HYDIN: variants seen among roughly 807,000 people sequenced by gnomAD.
The protein encoded by HYDIN is HYDIN axonemal central pair apparatus protein.
In HYDIN, 132 loss-of-function variants were observed where a neutral mutation model predicts 403.9. The ratio of observed to expected loss-of-function variants is 0.33; its 90% CI spans 0.28 to 0.38. The LOEUF is 0.38. Ranked by LOEUF, HYDIN falls within the 10% of genes least tolerant of loss-of-function variation. HYDIN has a pLI of 1.00. For synonymous variants in HYDIN, 1,202 were observed against 1,891.7 expected, an observed-to-expected ratio of 0.64 and a Z score of 9.46; for missense variants, 2,827 against 5,009.5, an observed-to-expected ratio of 0.56 and a Z score of 13.15.
chr16:70,807,736 C>A lies in HYDIN; in HGVS notation c.15210G>T (p.Arg5070=). The A allele has an allele frequency of 6.2e-7, 1 of 1,614,172 alleles. No individual in the cohort carries two copies. Among genetic ancestry groups the A allele is most frequent in the East Asian group, 2.2e-5 (1 of 44,880 alleles). Residue 5070 remains arginine, a synonymous_variant, in exon 86 of 86, where the codon CGG becomes CGT. Coordinates refer to ENST00000393567, the MANE Select transcript of HYDIN (RefSeq NM_001270974.2). The part of the protein sequence containing the change: ...AFTIRAGESV[R]PKKINNITVS... ...CTGTGATGTTGTTGATCTTCTTGGG[C>A]CGCACAGACTCTCCAGCGCGAATGG...
intron 18 of HYDIN, among the ~76,000 whole-genome samples, chr16:71,038,506 G>C (rs1175460261): frequency 6.6e-6 from 1 of 151,820 alleles, no homozygotes; most frequent in Non-Finnish European, 1.5e-5. Flanking sequence ...GTTGAAATCT[G>C]CAAGAATCTC....
At chr16:71,050,764 C>T (rs985952543) in intron 18 of HYDIN, among the ~76,000 whole-genome samples, 5 of 151,822 alleles carry the variant, frequency 3.3e-5, no homozygotes, top group Non-Finnish European at 7.4e-5. Flanking sequence ...AATACATTTG[C>T]AAACTTTGAT....
Position 70,907,355 on chromosome 16 carries a change from A to C in HYDIN, c.8516+17T>G. ...CCCAGCAGTCTGAAATCTGCTTTAAAATAATGGAACACTTACTTATCTCTT... is the reference window on the plus strand; with the variant it reads ...CCCAGCAGTCTGAAATCTGCTTTAACATAATGGAACACTTACTTATCTCTT... On this transcript the variant is annotated intron_variant, in intron 50 of 85. Transcript: ENST00000393567. The C allele has an allele frequency of 1.7e-6, 1 of 577,214 alleles. No homozygotes were observed. Among genetic ancestry groups the C allele is most frequent in the Non-Finnish European group, 3.1e-6 (1 of 324,820 alleles). The allele number at this position is 577,214 out of a possible 1,614,324, so 35.8% of individuals were successfully genotyped here.
rs541522983 is a variant in HYDIN at position 71,186,360 on chromosome 16, A to G, written c.135+401T>C. ...TCATTATTTTAATGCTCTGTGTTCT[A>G]TAAATATACAAACAAAAATTACTCT... On this transcript the variant is annotated intron_variant, in intron 2 of 85. Coordinates refer to ENST00000393567, the MANE Select transcript of HYDIN (RefSeq NM_001270974.2). Among the ~76,000 whole-genome samples, 12 of 152,272 alleles carry G rather than the reference A, an allele frequency of 7.9e-5. No individual in the cohort carries two copies. The South Asian group carries it at 2.5e-3, about 32-fold the overall frequency.
chr16:70,994,288 T>C (rs1307557886), intron 23 of HYDIN, among the ~76,000 whole-genome samples: 1 of 150,642 alleles, frequency 6.6e-6, no homozygotes, highest in Non-Finnish European at 1.5e-5. Flanking sequence ...GATGGATGGA[T>C]GGATGGATGG....
In HYDIN at chr16:70,908,795, C is replaced by G; in HGVS notation, c.8071G>C (p.Val2691Leu). 6.2e-7 allele frequency: 1 copy of G among 1,614,244 alleles called. No individual in the cohort carries two copies. Among genetic ancestry groups the G allele is most frequent in the Non-Finnish European group, 8.5e-7 (1 of 1,180,052 alleles). ...KQKMKEKIDQVFEIQKDKRHM... is the reference protein window; with the variant it reads ...KQKMKEKIDQLFEIQKDKRHM... ...CGCTTGTCTTTCTGAATCTCGAAGACTTGGTCTATCTTTTCTTTCATTTTC... is the reference window on the plus strand; with the variant it reads ...CGCTTGTCTTTCTGAATCTCGAAGAGTTGGTCTATCTTTTCTTTCATTTTC... The change falls in exon 48 of 86, where the codon GTC becomes CTC. Residue 2691 changes from valine (V) to leucine (L), a missense_variant. By Grantham distance (32) the Val-to-Leu change is conservative. Transcript: ENST00000393567.
chr16:71,132,628 G>C (rs1223341769), intron 8 of HYDIN: 1 of 123,676 alleles, frequency 8.1e-6, no homozygotes, highest in Non-Finnish European at 1.7e-5. Context: ...GAAGATGATA[G>C]TGCTCCATGG....
Position 70,829,808 on chromosome 16 carries a change from A to G in HYDIN, c.13922T>C (p.Val4641Ala). ...VKEVVNFTCQVRSKHTQTILL... is the reference protein window; with the variant it reads ...VKEVVNFTCQARSKHTQTILL... ...GATGGTCTGCGTGTGCTTGGAGCGC[A>G]CCTGGCACGTGAAATTCACTACCTG... is the stretch of plus-strand genomic sequence containing the variant. The change falls in exon 81 of 86, where the codon GTG becomes GCG. Residue 4641 changes from valine to alanine, a missense_variant. Val to Ala is a moderately conservative substitution (Grantham distance 64, BLOSUM62 0). Coordinates refer to ENST00000393567, the MANE Select transcript of HYDIN (RefSeq NM_001270974.2). The G allele has an allele frequency of 1.2e-6, 2 of 1,613,990 alleles. No homozygotes were observed. The highest frequency in any genetic ancestry group is 1.7e-6 in the Non-Finnish European group (2 of 1,179,868).
At chr16:71,022,340 C>T (rs2080527411) in intron 21 of HYDIN, among the ~76,000 whole-genome samples, 1 of 152,188 alleles carries the variant, frequency 6.6e-6, no homozygotes, top group Non-Finnish European at 1.5e-5. Context: ...ACAGAATGTG[C>T]TGCTGGAACT....
chr16:71,083,128 CATA>C (rs1293316811), intron 12 of HYDIN, among the ~76,000 whole-genome samples: 2 of 141,352 alleles, frequency 1.4e-5, no homozygotes, highest in Non-Finnish European at 1.5e-5. Context: ...CGGGTTCTTT[CATA>C]ATGTTTTCAA....
chr16:70,981,329 T>C, intron 29 of HYDIN, 62 bp downstream of exon 29: 12 of 1,517,334 alleles, frequency 7.9e-6, no homozygotes, highest in Non-Finnish European at 1.1e-5. Flanking sequence ...AATCTTCCAA[T>C]AAGCAAAGCT....
intron 28 of HYDIN, among the ~76,000 whole-genome samples, chr16:70,982,253 A>C (rs1022652401): frequency 6.6e-6 from 1 of 151,928 alleles, no homozygotes; most frequent in Non-Finnish European, 1.5e-5. Flanking sequence ...TGAAATTAAC[A>C]ATTTCCTAGA....
chr16:70,805,771 T>C lies in HYDIN; in HGVS notation c.*1809A>G, dbSNP rs1363854338. 6.6e-6 allele frequency among the ~76,000 whole-genome samples: 1 copy of C among 152,246 alleles called. No homozygotes were observed. The highest frequency in any genetic ancestry group is 1.9e-4 in the East Asian group (1 of 5,196). ...ACCTATCAGTAGTGTCTTTAGAGGT[T>C]ATAGAAATAAATTGTCTATTGAGTA... On this transcript the variant is annotated 3_prime_UTR_variant, in exon 86 of 86. Transcript: ENST00000393567.
chr16:71,183,014 C>T (rs1425338156), intron 3 of HYDIN, among the ~76,000 whole-genome samples: 1 of 151,924 alleles, frequency 6.6e-6, no homozygotes, highest in Admixed American at 6.6e-5. Context: ...AACATGGAAG[C>T]AATATGTTCT....
chr16:70,862,261 G>A lies in HYDIN; in HGVS notation c.11570-6C>T. 1 of 1,606,538 alleles carries A rather than the reference G, an allele frequency of 6.2e-7. No individual in the cohort carries two copies. Among genetic ancestry groups the A allele is most frequent in the South Asian group, 1.1e-5 (1 of 90,124 alleles). ...CTGATCTTTTTGAGCTGAACCTGGG[G>A]ACAGACAGGGAGTGGGTGATATTCT... On this transcript the variant is annotated splice_polypyrimidine_tract_variant and splice_region_variant and intron_variant, in intron 68 of 85. Coordinates refer to ENST00000393567, the MANE Select transcript of HYDIN (RefSeq NM_001270974.2).
rs554283610 is a variant in HYDIN, at chr16:71,216,440, GGC to G, written c.-24+14120_-24+14121del. On this transcript the variant is annotated intron_variant, in intron 1 of 85. Coordinates refer to ENST00000393567, the MANE Select transcript of HYDIN (RefSeq NM_001270974.2). ...ACGTTTCTAGGAATGTATACAAAATGGCAAAACTATATTAGAACCCAAGAATG... is the reference window on the plus strand; with the variant it reads ...ACGTTTCTAGGAATGTATACAAAATGAAAACTATATTAGAACCCAAGAATG... 5.0e-3 allele frequency among the ~76,000 whole-genome samples: 756 copies of G among 152,190 alleles called. 9 individuals carry two copies. Among genetic ancestry groups the G allele is most frequent in the African/African-American group, 0.017 (704 of 41,516 alleles).
chr16:70,868,651 G>A lies in HYDIN; in HGVS notation c.11229C>T (p.Pro3743=), dbSNP rs376228603. The change falls in exon 66 of 86, where the codon CCC becomes CCT. Residue 3743 remains proline, a synonymous_variant. Coordinates refer to ENST00000393567, the MANE Select transcript of HYDIN (RefSeq NM_001270974.2). ...IMFQLPADQV[P]DWDDRMHTVK... is the part of the protein sequence containing the mutation. The stretch of plus-strand genomic sequence containing the variant: ...CTGTGTGCATGCGGTCATCCCAGTC[G>A]GGGACCTGGTCTGCAGGGAGCTGAA... The A allele has an allele frequency of 1.2e-5, 20 of 1,613,986 alleles. No homozygotes were observed. Among genetic ancestry groups the A allele is most frequent in the South Asian group, 7.7e-5 (7 of 91,078 alleles).
chr16:70,943,080 G>C (rs1774353), intron 42 of HYDIN, among the ~76,000 whole-genome samples: 2 of 152,178 alleles, frequency 1.3e-5, no homozygotes, highest in African/African-American at 4.8e-5. Context: ...CCCTAGTTGA[G>C]AACACAAAGC....
intron 1 of HYDIN, among the ~76,000 whole-genome samples, chr16:71,222,411 T>C (rs868000546): frequency 6.6e-6 from 1 of 152,112 alleles, no homozygotes; most frequent in Non-Finnish European, 1.5e-5. Flanking sequence ...AAGCCTTCCC[T>C]GTGAGAACTA....
Sources: allele counts gnomAD v4.1 joint callset (sites outside exome capture counted in the v4.1 genomes callset), GRCh38; gene constraint gnomAD v4.1.1; transcripts MANE v1.5; gene names NCBI Gene and HGNC (gene_info 2026-07-23, HGNC 2026-07-21).